The following USP30 variants were observed in gnomAD, a reference collection of about 807,000 sequenced individuals.
USP30 encodes the protein ubiquitin specific peptidase 30.
In USP30, 41 loss-of-function variants were observed where a neutral mutation model predicts 68.2. The ratio of observed to expected loss-of-function variants is 0.60; its 90% CI spans 0.47 to 0.78. USP30 has a LOEUF of 0.78. Among genes scored for constraint, USP30 ranks in the 30% least tolerant of loss-of-function variants. The pLI is 0.00. For missense variants in USP30, 522 were observed against 649.4 expected, an observed-to-expected ratio of 0.80 and a Z score of 2.13; for synonymous variants, 229 against 253.7, an observed-to-expected ratio of 0.90 and a Z score of 0.93.
chr12:109,069,717 G>A (rs940229589), intron 4 of USP30, among the ~76,000 whole-genome samples: 1 of 152,178 alleles, frequency 6.6e-6, no homozygotes, highest in African/African-American at 2.4e-5. Context: ...TTCAGGATAT[G>A]CTAACAAGAA....
intron 3 of USP30, among the ~76,000 whole-genome samples, chr12:109,065,084 A>C (rs891684020): frequency 2.0e-5 from 3 of 152,232 alleles, no homozygotes; most frequent in Admixed American, 1.3e-4. Flanking sequence ...CTTCATAGGC[A>C]GAGCAGCCCA....
intron 3 of USP30, 78 bp downstream of exon 3, chr12:109,058,186 G>A: frequency 7.2e-7 from 1 of 1,394,636 alleles, no homozygotes; most frequent in South Asian, 1.4e-5. Flanking sequence ...ATAACAAAGA[G>A]TTAATACCTT....
At chr12:109,084,161 G>A (rs970947144) in intron 11 of USP30, among the ~76,000 whole-genome samples, 9 of 152,156 alleles carry the variant, frequency 5.9e-5, no homozygotes, top group African/African-American at 2.2e-4. Flanking sequence ...CCAGATGTTT[G>A]AGGCTGCAGT....
chr12:109,035,915 C>T (rs2040515731), intron 3 of USP30, among the ~76,000 whole-genome samples: 1 of 152,112 alleles, frequency 6.6e-6, no homozygotes, highest in Admixed American at 6.5e-5. Flanking sequence ...GTAATCCTAG[C>T]ACTTTGGGAG....
intron 7 of USP30, among the ~76,000 whole-genome samples, chr12:109,074,937 A>G (rs1414262866): frequency 1.3e-5 from 2 of 152,210 alleles, no homozygotes; most frequent in Non-Finnish European, 2.9e-5. Flanking sequence ...TGACTTTTCT[A>G]GATTCCATAT....
chr12:109,056,647 G>A, intron 1 of USP30, 35 bp from the exon 2 acceptor site: 1 of 1,508,576 alleles, frequency 6.6e-7, no homozygotes, highest in Non-Finnish European at 9.1e-7. Flanking sequence ...TTGTGTTTGT[G>A]TGAGGGAAGA....
At chr12:109,055,400 ATTTTTTT>A (rs869090869) in intron 1 of USP30, among the ~76,000 whole-genome samples, 12 of 24,474 alleles carry the variant, frequency 4.9e-4, no homozygotes, top group South Asian at 1.5e-3. Context: ...ATATATATAT[ATTTTTTT>A]TTTTTTTTTT....
chr12:109,065,787 A>C (rs769507185), intron 3 of USP30, among the ~76,000 whole-genome samples: 1 of 152,252 alleles, frequency 6.6e-6, no homozygotes, highest in Non-Finnish European at 1.5e-5. Context: ...AGCAGTGGCC[A>C]TGCGCCAGAG....
chr12:109,064,729 G>T (rs2041192934), intron 3 of USP30, among the ~76,000 whole-genome samples: 1 of 152,098 alleles, frequency 6.6e-6, no homozygotes, highest in Non-Finnish European at 1.5e-5. Context: ...CATTTCTCTA[G>T]GAAAAAAATT....
At chr12:109,063,041 G>T (rs2041127300) in intron 3 of USP30, among the ~76,000 whole-genome samples, 1 of 152,162 alleles carries the variant, frequency 6.6e-6, no homozygotes, top group East Asian at 1.9e-4. Flanking sequence ...TGTCTTCAGG[G>T]TTCATCCATG....
chr12:109,044,726 C>T (rs2040589187), intron 3 of USP30, among the ~76,000 whole-genome samples: 1 of 152,118 alleles, frequency 6.6e-6, no homozygotes, highest in Non-Finnish European at 1.5e-5. Context: ...GAAAAATCCT[C>T]TCAAATGCTG....
intron 2 of USP30, among the ~76,000 whole-genome samples, chr12:109,027,153 G>A (rs1041991328): frequency 6.6e-6 from 1 of 152,182 alleles, no homozygotes; most frequent in African/African-American, 2.4e-5. Flanking sequence ...TATTCATAAT[G>A]TTATATAACC....
intron 7 of USP30, among the ~76,000 whole-genome samples, chr12:109,079,863 G>A (rs1056285169): frequency 3.9e-5 from 6 of 152,012 alleles, no homozygotes; most frequent in African/African-American, 1.4e-4. Flanking sequence ...CATCTGTGAG[G>A]TCCTCGTGTG....
Position 109,056,743 on chromosome 12 carries a change from A to C in USP30, c.145A>C (p.Ile49Leu), listed in dbSNP as rs200689726. 5 of 1,613,300 alleles carry C rather than the reference A, an allele frequency of 3.1e-6. No homozygotes were observed. The change falls in exon 2 of 13, where the codon ATA (isoleucine) becomes CTA (leucine). Residue 49 changes from isoleucine (I) to leucine (L), a missense_variant. Ile to Leu is a conservative substitution (Grantham distance 5). Coordinates refer to ENST00000257548, the MANE Select transcript of USP30 (RefSeq NM_032663.5). The part of the protein sequence containing the change: ...GGIAAALAAG[I>L]YVIWGPITER... ...AATTGCTGCTGCTCTTGCAGCAGGA[A>C]TATATGTTATTTGGGGTCCCATTAC...
chr12:109,024,607 A>G (rs1054924369), intron 1 of USP30, among the ~76,000 whole-genome samples: 1 of 151,224 alleles, frequency 6.6e-6, no homozygotes, highest in African/African-American at 2.4e-5. Flanking sequence ...GAATACCTAG[A>G]GAACTGGTAA....
At chr12:109,024,638 G>A (rs757997606) in intron 1 of USP30, among the ~76,000 whole-genome samples, 4 of 150,150 alleles carry the variant, frequency 2.7e-5, no homozygotes, top group African/African-American at 9.8e-5. Context: ...TTTTTTTCCC[G>A]AGACCGAGTC....
chr12:109,024,087 G>A (rs2040426981), intron 1 of USP30, among the ~76,000 whole-genome samples: 1 of 152,084 alleles, frequency 6.6e-6, no homozygotes, highest in Non-Finnish European at 1.5e-5. Flanking sequence ...GTAACCTCGA[G>A]CAGGTTGTCT....
Position 109,082,696 on chromosome 12 carries a change from G to A in USP30, c.901G>A (p.Val301Met). ...EAKGTLNGEK[V>M]EHQRTTFVKQ... is the part of the protein sequence containing the mutation. ...CAAGGGAACGTTGAACGGGGAAAAG[G>A]TGGAACACCAGAGGACCACTTTTGT... The change falls in exon 10 of 13, where the codon GTG becomes ATG. Residue 301 changes from valine (V) to methionine (M), a missense_variant. Coordinates refer to ENST00000257548, the MANE Select transcript of USP30 (RefSeq NM_032663.5). 1 of 1,614,226 alleles carries A rather than the reference G, an allele frequency of 6.2e-7. No individual in the cohort carries two copies. The highest frequency in any genetic ancestry group is 8.5e-7 in the Non-Finnish European group (1 of 1,180,040).
chr12:109,045,311 T>C (rs1345385125), intron 3 of USP30, among the ~76,000 whole-genome samples: 1 of 152,196 alleles, frequency 6.6e-6, no homozygotes, highest in African/African-American at 2.4e-5. Flanking sequence ...GAGGTACTTA[T>C]GTTCCATTTC....
Sources: gnomAD v4.1 joint callset for allele counts (sites outside exome capture counted in the v4.1 genomes callset) on GRCh38, gnomAD v4.1.1 for gene constraint, MANE v1.5 for transcripts, NCBI Gene and HGNC (gene_info 2026-07-23, HGNC 2026-07-21) for gene names.